The following NAV3 variants were observed in gnomAD, a reference collection of about 807,000 sequenced individuals.
NAV3 encodes the protein neuron navigator 3.
In NAV3, 87 loss-of-function variants were observed where a neutral mutation model predicts 244.7. The ratio of observed to expected loss-of-function variants is 0.36; its 90% CI spans 0.30 to 0.42. The LOEUF (loss-of-function observed/expected upper bound fraction) is 0.42, where lower values mean the gene tolerates loss of function less well. NAV3 is among the 20% of genes least tolerant of loss of function. The pLI is 1.00. For synonymous variants in NAV3, 1,126 were observed against 1,042.2 expected (o/e 1.08, Z -1.55); for missense variants, 2,663 against 2,893.3 (o/e 0.92, Z 1.83).
intron 1 of NAV3, among the ~76,000 whole-genome samples, chr12:77,838,335 G>A (rs930836581): frequency 6.6e-5 from 10 of 152,084 alleles, no homozygotes; most frequent in African/African-American, 2.4e-4. Flanking sequence ...AGTAACAATT[G>A]GTAGAAATGT....
chr12:77,976,841 G>T (rs1868533120), intron 5 of NAV3, among the ~76,000 whole-genome samples: 1 of 151,418 alleles, frequency 6.6e-6, no homozygotes, highest in Non-Finnish European at 1.5e-5. Context: ...ACCACATCTG[G>T]CTAATTTTTG....
intron 5 of NAV3, among the ~76,000 whole-genome samples, chr12:77,970,213 C>T (rs1041953735): frequency 1.3e-5 from 2 of 152,112 alleles, no homozygotes; most frequent in Non-Finnish European, 2.9e-5. Context: ...CACTTGTCAA[C>T]AAATGTAAAT....
intron 19 of NAV3, among the ~76,000 whole-genome samples, chr12:78,138,279 C>T (rs189719782): frequency 3.8e-4 from 58 of 152,214 alleles, no homozygotes; most frequent in Admixed American, 1.5e-3. Flanking sequence ...GTTTCTTAAC[C>T]TTCTTATCCC....
chr12:77,657,887 G>T (rs1217805135), intron 2 of NAV3, among the ~76,000 whole-genome samples: 2 of 152,038 alleles, frequency 1.3e-5, no homozygotes, highest in Non-Finnish European at 2.9e-5. Context: ...TGCAGAAAAG[G>T]CCTTTGACAA....
chr12:77,923,635 A>C (rs1244944968), intron 1 of NAV3, among the ~76,000 whole-genome samples: 2 of 152,160 alleles, frequency 1.3e-5, no homozygotes, highest in Admixed American at 6.6e-5. Context: ...CAAAATTAGA[A>C]TATTAGATAC....
chr12:78,160,747 C>T (rs1015334249), intron 23 of NAV3, among the ~76,000 whole-genome samples: 8 of 152,014 alleles, frequency 5.3e-5, no homozygotes, highest in Admixed American at 3.3e-4. Context: ...TCATATTCTC[C>T]GTATACCCTG....
intron 9 of NAV3, among the ~76,000 whole-genome samples, chr12:78,048,796 A>T (rs947816705): frequency 1.3e-5 from 2 of 152,194 alleles, no homozygotes; most frequent in African/African-American, 4.8e-5. Context: ...AGAGTGTTTT[A>T]GTCTGCTGAG....
intron 12 of NAV3, among the ~76,000 whole-genome samples, chr12:78,109,094 A>T (rs1160072605): frequency 6.6e-6 from 1 of 152,048 alleles, no homozygotes; most frequent in Non-Finnish European, 1.5e-5. Flanking sequence ...ATCCAAATAA[A>T]CACAATCAAA....
chr12:77,679,256 G>C (rs977429216), intron 2 of NAV3, among the ~76,000 whole-genome samples: 30 of 152,062 alleles, frequency 2.0e-4, no homozygotes, highest in Non-Finnish European at 8.8e-5. Context: ...GCCTCTACTA[G>C]GGCACTAACA....
chr12:77,659,413 T>C (rs371209559), intron 2 of NAV3, among the ~76,000 whole-genome samples: 2 of 152,116 alleles, frequency 1.3e-5, no homozygotes, highest in East Asian at 1.9e-4. Context: ...CAATGAGATA[T>C]CATCTCACAC....
At chr12:77,732,183 A>G (rs1877153810) in intron 2 of NAV3, among the ~76,000 whole-genome samples, 1 of 152,052 alleles carries the variant, frequency 6.6e-6, no homozygotes, top group South Asian at 2.1e-4. Context: ...CCTACTCAGC[A>G]GCCCATGTGC....
intron 2 of NAV3, among the ~76,000 whole-genome samples, chr12:77,576,241 A>G (rs1370645527): frequency 6.6e-6 from 1 of 152,104 alleles, no homozygotes; most frequent in Non-Finnish European, 1.5e-5. Context: ...TAGGAATAAT[A>G]CTGATATAGA....
At position 78,190,160 on chromosome 12, in the gene NAV3, G is replaced by A; in HGVS notation, c.6232G>A (p.Gly2078Arg). ...KLAEYVITKS[G>R]RKKTEDAIAT... ...TGCTGAATATGTAATAACCAAATCT[G>A]GAAGGAAAAAAACAGAGGATGCAAT... is the stretch of plus-strand genomic sequence containing the variant. Residue 2078 changes from glycine to arginine, a missense_variant, in exon 34 of 40, where the codon GGA becomes AGA. By Grantham distance (125) the Gly-to-Arg change is moderately radical. Coordinates refer to ENST00000397909, the MANE Select transcript of NAV3 (RefSeq NM_001024383.2). 6.2e-7 allele frequency: 1 copy of A among 1,612,704 alleles called. No homozygotes were observed. The highest frequency in any genetic ancestry group is 1.1e-5 in the South Asian group (1 of 91,058).
chr12:77,611,974 G>A (rs1325977008), intron 2 of NAV3, among the ~76,000 whole-genome samples: 2 of 151,942 alleles, frequency 1.3e-5, no homozygotes, highest in African/African-American at 2.4e-5. Flanking sequence ...TAATGATCCT[G>A]CAAATATTGT....
At chr12:77,812,822 AAATT>A (rs1336951774) in intron 2 of NAV3, among the ~76,000 whole-genome samples, 4 of 151,542 alleles carry the variant, frequency 2.6e-5, no homozygotes, top group South Asian at 2.1e-4. Context: ...AAAAGTCACC[AAATT>A]AATTAATTAA....
chr12:77,611,295 C>G (rs1870903256), intron 2 of NAV3, among the ~76,000 whole-genome samples: 1 of 151,732 alleles, frequency 6.6e-6, no homozygotes. Context: ...TTCTTGTTGT[C>G]AGAAAGCTTT....
Position 78,119,551 on chromosome 12 carries a change from A to C in NAV3, c.3355A>C (p.Asn1119His). ...GRKTSLDGSQ[N>H]QDDVVLHVSS... ...AAAAACCAGTTTGGACGGTTCACAG[A>C]ATCAGGATGATGTTGTGCTGCATGT... Residue 1119 changes from asparagine to histidine, a missense_variant, in exon 15 of 40, where the codon AAT becomes CAT. Asn to His is a moderately conservative substitution (Grantham distance 68, BLOSUM62 1). Around this residue, in one of 6 missense-constraint regions of NAV3, gnomAD observed 1,521 missense variants for 1,497.0 expected, o/e 1.02. Coordinates refer to ENST00000397909, the MANE Select transcript of NAV3 (RefSeq NM_001024383.2). 2 of 1,614,198 alleles carry C rather than the reference A, an allele frequency of 1.2e-6. No homozygotes were observed. The highest frequency in any genetic ancestry group is 1.7e-6 in the Non-Finnish European group (2 of 1,180,038).
chr12:78,170,075 C>T (rs776874338), intron 24 of NAV3, among the ~76,000 whole-genome samples: 2 of 151,590 alleles, frequency 1.3e-5, no homozygotes, highest in Admixed American at 6.6e-5. Context: ...TATTAATGTG[C>T]TAATAGCTAA....
intron 23 of NAV3, among the ~76,000 whole-genome samples, chr12:78,161,815 T>C (rs1957556350): frequency 6.6e-6 from 1 of 152,118 alleles, no homozygotes; most frequent in Admixed American, 6.6e-5. Context: ...AAGTGATATT[T>C]AAAAGCCTAT....
Sources: allele counts gnomAD v4.1 joint callset (sites outside exome capture counted in the v4.1 genomes callset), GRCh38; gene constraint gnomAD v4.1.1; regional missense constraint gnomAD v4.1.1; transcripts MANE v1.5; gene names NCBI Gene and HGNC (gene_info 2026-07-23, HGNC 2026-07-21).